TBC1D4: variants seen among roughly 807,000 people sequenced by gnomAD.
TBC1D4 encodes the protein TBC1 domain family member 4.
Under a neutral mutation model 142.5 loss-of-function variants are expected in TBC1D4, and 121 were observed. The ratio of observed to expected loss-of-function variants is 0.85; its 90% confidence interval spans 0.73 to 0.99. TBC1D4 has a LOEUF of 0.99. Among genes scored for constraint, TBC1D4 ranks in the 50% least tolerant of loss-of-function variants. The pLI is 0.00. For synonymous variants in TBC1D4, 630 were observed against 628.2 expected, an observed-to-expected ratio of 1.00 and a Z score of -0.04; for missense variants, 1,475 against 1,606.6, an observed-to-expected ratio of 0.92 and a Z score of 1.40.
At chr13:75,294,822 T>C in intron 18 of TBC1D4, 32 bp downstream of exon 18, 1 of 1,606,034 alleles carries the variant, frequency 6.2e-7, no homozygotes, top group Non-Finnish European at 8.5e-7. Context: ...GAATAAATAA[T>C]ACTGTTCCAT....
chr13:75,474,428 G>C (rs1218498055), intron 1 of TBC1D4, among the ~76,000 whole-genome samples: 1 of 152,054 alleles, frequency 6.6e-6, no homozygotes, highest in Non-Finnish European at 1.5e-5. Context: ...GCGTGGTGGC[G>C]GGTGCCTGTA....
At chr13:75,323,682 T>C (rs529653389) in intron 11 of TBC1D4, among the ~76,000 whole-genome samples, 5 of 152,160 alleles carry the variant, frequency 3.3e-5, no homozygotes, top group Non-Finnish European at 7.4e-5. Context: ...CCTCATGCTA[T>C]CTAAGAGTTG....
At chr13:75,445,653 GA>G (rs1887251564) in intron 1 of TBC1D4, among the ~76,000 whole-genome samples, 1 of 151,970 alleles carries the variant, frequency 6.6e-6, no homozygotes, top group Non-Finnish European at 1.5e-5. Flanking sequence ...GGTATAAAAG[GA>G]AAGAAAAAAA....
At chr13:75,461,280 G>C (rs9573548) in intron 1 of TBC1D4, among the ~76,000 whole-genome samples, 88,838 of 151,986 alleles carry the variant, frequency 0.58, 26,206 homozygotes, top group East Asian at 0.7. Context: ...TGGCATGAAA[G>C]AAATGCAAGT....
intron 8 of TBC1D4, among the ~76,000 whole-genome samples, chr13:75,330,017 C>T (rs1476991670): frequency 6.6e-6 from 1 of 152,200 alleles, no homozygotes; most frequent in African/African-American, 2.4e-5. Context: ...TTCACTAAAT[C>T]TGGAAACTCA....
chr13:75,462,985 G>A (rs892370906), intron 1 of TBC1D4, among the ~76,000 whole-genome samples: 2 of 152,082 alleles, frequency 1.3e-5, no homozygotes, highest in African/African-American at 2.4e-5. Context: ...ACAACCTTAT[G>A]ATTACAGGCT....
At chr13:75,425,505 G>C (rs544057044) in intron 1 of TBC1D4, among the ~76,000 whole-genome samples, 2 of 152,108 alleles carry the variant, frequency 1.3e-5, no homozygotes, top group Non-Finnish European at 2.9e-5. Flanking sequence ...TGTTGAAAAG[G>C]TATCTATACT....
chr13:75,432,476 G>A (rs1299622143), intron 1 of TBC1D4, among the ~76,000 whole-genome samples: 1 of 152,130 alleles, frequency 6.6e-6, no homozygotes, highest in East Asian at 1.9e-4. Flanking sequence ...CATGGGTCGG[G>A]TGGAGAGAAG....
intron 1 of TBC1D4, among the ~76,000 whole-genome samples, chr13:75,371,776 T>TGG (rs1883236735): frequency 6.6e-6 from 1 of 152,184 alleles, no homozygotes; most frequent in Non-Finnish European, 1.5e-5. Context: ...TAGGTAAAAC[T>TGG]GTTTTCTCTG....
Position 75,373,726 on chromosome 13 carries a change from G to A in TBC1D4, c.499-11119C>T, listed in dbSNP as rs964345608. Among the ~76,000 whole-genome samples, 16 of 152,238 alleles carry A rather than the reference G, an allele frequency of 1.1e-4. No individual in the cohort carries two copies. The East Asian group carries it at 2.3e-3, about 22-fold the overall frequency. On this transcript the variant is annotated intron_variant, in intron 1 of 20. Coordinates refer to ENST00000377636, the MANE Select transcript of TBC1D4 (RefSeq NM_014832.5). The stretch of plus-strand genomic sequence containing the variant: ...CAGCAAGACTGCCTTTCTGGCCCTC[G>A]TTCCTTCTTCCTGTCTGGGACTCTA...
Position 75,469,799 on chromosome 13 carries a change from G to A in TBC1D4, c.498+11471C>T, listed in dbSNP as rs370761573. ...CCTACCCCTCCAAAAAAAGAGTTTC[G>A]GAGGCAGAATCAATGTGACTTGCCT... is the stretch of plus-strand genomic sequence containing the variant. On this transcript the variant is annotated intron_variant, in intron 1 of 20. Transcript: ENST00000377636. Among the ~76,000 whole-genome samples, 7 of 152,190 alleles carry A rather than the reference G, an allele frequency of 4.6e-5. No individual in the cohort carries two copies. The South Asian group carries it at 6.2e-4, about 14-fold the overall frequency.
rs371355250 is a variant in TBC1D4 at position 75,355,397 on chromosome 13, C to T, written c.1275+750G>A. ...AAAACTTTGAGGGGAAAAAAATCAACTTATTTCTTAGCCGCTCAGATATAT... is the reference window on the plus strand; with the variant it reads ...AAAACTTTGAGGGGAAAAAAATCAATTTATTTCTTAGCCGCTCAGATATAT... On this transcript the variant is annotated intron_variant, in intron 4 of 20. Transcript: ENST00000377636. Among the ~76,000 whole-genome samples, 5 of 152,288 alleles carry T rather than the reference C, an allele frequency of 3.3e-5. No homozygotes were observed. The East Asian group carries it at 7.7e-4, about 24-fold the overall frequency.
intron 1 of TBC1D4, among the ~76,000 whole-genome samples, chr13:75,452,092 G>A (rs1400134679): frequency 6.6e-6 from 1 of 151,922 alleles, no homozygotes; most frequent in Non-Finnish European, 1.5e-5. Context: ...ACTTACTTAA[G>A]TTTTGACTTT....
intron 1 of TBC1D4, among the ~76,000 whole-genome samples, chr13:75,435,163 C>G (rs562831277): frequency 1.4e-4 from 22 of 151,950 alleles, no homozygotes; most frequent in African/African-American, 5.3e-4. Flanking sequence ...TTGATTCATA[C>G]TATAAATAAA....
intron 1 of TBC1D4, among the ~76,000 whole-genome samples, chr13:75,449,405 G>C (rs1048406686): frequency 2.0e-5 from 3 of 151,554 alleles, no homozygotes; most frequent in Admixed American, 1.3e-4. Context: ...TGATAACATT[G>C]AACAACTGTA....
At chr13:75,463,347 T>C (rs763399397) in intron 1 of TBC1D4, among the ~76,000 whole-genome samples, 3 of 152,212 alleles carry the variant, frequency 2.0e-5, no homozygotes, top group Non-Finnish European at 2.9e-5. Flanking sequence ...AAAAAACCTG[T>C]ATAGGAAGGG....
At chr13:75,435,009 G>A (rs1049191191) in intron 1 of TBC1D4, among the ~76,000 whole-genome samples, 4 of 150,954 alleles carry the variant, frequency 2.6e-5, no homozygotes, top group Non-Finnish European at 5.9e-5. Context: ...TTAGCTGGGC[G>A]TTGTGGCAGG....
chr13:75,430,058 A>G (rs1035091690), intron 1 of TBC1D4, among the ~76,000 whole-genome samples: 1 of 152,226 alleles, frequency 6.6e-6, no homozygotes, highest in Non-Finnish European at 1.5e-5. Context: ...AAACAGAACA[A>G]GCTCTACCAT....
chr13:75,428,254 C>T (rs1478022131), intron 1 of TBC1D4, among the ~76,000 whole-genome samples: 36 of 152,110 alleles, frequency 2.4e-4, no homozygotes, highest in Admixed American at 2.4e-3. Flanking sequence ...TGTCATGAAA[C>T]AGATCTCAAA....
Sources: gnomAD v4.1 joint callset for allele counts (sites outside exome capture counted in the v4.1 genomes callset) on GRCh38, gnomAD v4.1.1 for gene constraint, MANE v1.5 for transcripts, NCBI Gene and HGNC (gene_info 2026-07-23, HGNC 2026-07-21) for gene names.